The following NRXN1 variants were observed in gnomAD, a reference collection of about 807,000 sequenced individuals.
NRXN1 encodes neurexin-1.
Under a neutral mutation model 150.9 loss-of-function variants are expected in NRXN1, and 39 were observed. The ratio of observed to expected loss-of-function variants is 0.26; its 90% CI spans 0.20 to 0.34. The LOEUF is 0.34. Ranked by LOEUF, NRXN1 falls within the 10% of genes least tolerant of loss-of-function variation. The probability of loss-of-function intolerance (pLI) is 1.00; values close to 1 mark genes in which losing one functional copy is unlikely to be tolerated. For missense variants in NRXN1, 1,815 were observed against 1,949.9 expected, an observed-to-expected ratio of 0.93 and a Z score of 1.30; for synonymous variants, 924 against 757.0, an observed-to-expected ratio of 1.22 and a Z score of -3.62.
In NRXN1 at chr2:50,548,541, AT is replaced by A. The variant is rs869061345; in HGVS notation, c.1759+4045del. ...TGATGCTGCTAATTTATTTTATTTT[AT>A]TTTTTTTTAGAGTATCAGGGGTTGT... On this transcript the variant is annotated intron_variant, in intron 9 of 22. Coordinates refer to ENST00000401669, the MANE Select transcript of NRXN1 (RefSeq NM_001330078.2). Among the ~76,000 whole-genome samples, 28 of 150,374 alleles carry A rather than the reference AT, an allele frequency of 1.9e-4. No homozygotes were observed. The East Asian group carries it at 2.7e-3, about 15-fold the overall frequency.
At chr2:49,966,507 T>C (rs1176037860) in intron 21 of NRXN1, 1 of 140,688 alleles carries the variant, frequency 7.1e-6, no homozygotes, top group Non-Finnish European at 1.5e-5. Context: ...CAATTTTCTT[T>C]AAAGCATTTC....
At chr2:50,855,141 G>C (rs1175107198) in intron 5 of NRXN1, among the ~76,000 whole-genome samples, 4 of 151,800 alleles carry the variant, frequency 2.6e-5, no homozygotes, top group Non-Finnish European at 4.4e-5. Flanking sequence ...GAGTGTGGGA[G>C]GTGGTTCAAG....
At chr2:50,432,257 A>T (rs2085033280) in intron 17 of NRXN1, 1 of 152,148 alleles carries the variant, frequency 6.6e-6, no homozygotes, top group African/African-American at 2.4e-5. Flanking sequence ...TAGGTCAGAA[A>T]ATAACTACCT....
At chr2:50,687,738 G>A (rs534343972) in intron 5 of NRXN1, among the ~76,000 whole-genome samples, 2 of 152,208 alleles carry the variant, frequency 1.3e-5, no homozygotes, top group Non-Finnish European at 2.9e-5. Flanking sequence ...TTAGGGTTGA[G>A]GTTGTTGTGA....
At chr2:50,447,955 A>C (rs548781797) in intron 17 of NRXN1, among the ~76,000 whole-genome samples, 1 of 151,610 alleles carries the variant, frequency 6.6e-6, no homozygotes, top group Non-Finnish European at 1.5e-5. Flanking sequence ...TAAGCAAGTA[A>C]AGTGTATCGT....
At chr2:50,266,000 T>TA (rs1281627888) in intron 17 of NRXN1, among the ~76,000 whole-genome samples, 17 of 51,428 alleles carry the variant, frequency 3.3e-4, no homozygotes, top group Non-Finnish European at 4.3e-4. Flanking sequence ...TTATTATTAT[T>TA]TATTTTTTTT....
intron 2 of NRXN1, among the ~76,000 whole-genome samples, chr2:50,965,583 T>G (rs1693930479): frequency 6.6e-6 from 1 of 151,574 alleles, no homozygotes; most frequent in South Asian, 2.1e-4. Context: ...TTACATTTAC[T>G]TTTACTTGAA....
At chr2:50,918,501 T>TA in intron 5 of NRXN1, 1 of 355,348 alleles carries the variant, frequency 2.8e-6, no homozygotes, top group Non-Finnish European at 5.1e-6. Context: ...AAGCCTCCAA[T>TA]CAAAGTGCCA....
At chr2:50,679,992 C>T (rs958989002) in intron 5 of NRXN1, among the ~76,000 whole-genome samples, 8 of 150,792 alleles carry the variant, frequency 5.3e-5, no homozygotes, top group African/African-American at 2.0e-4. Flanking sequence ...ATTAGCTGGG[C>T]ATAGTGGTGT....
At chr2:51,006,930 ACT>A (rs926916913) in intron 2 of NRXN1, among the ~76,000 whole-genome samples, 2 of 151,614 alleles carry the variant, frequency 1.3e-5, no homozygotes, top group African/African-American at 4.8e-5. Context: ...ACTGTTCATC[ACT>A]CTGTATCGTG....
At chr2:50,005,756 C>G (rs9941548) in intron 21 of NRXN1, among the ~76,000 whole-genome samples, 71,673 of 152,012 alleles carry the variant, frequency 0.47, 17,474 homozygotes, top group Middle Eastern at 0.62. Context: ...TAATTACCTT[C>G]TGCACCAAAT....
intron 17 of NRXN1, among the ~76,000 whole-genome samples, chr2:50,261,353 C>T (rs371188891): frequency 3.3e-5 from 5 of 151,854 alleles, no homozygotes; most frequent in South Asian, 4.1e-4. Context: ...CTCTAAGGTA[C>T]GCTCAGAGAG....
intron 5 of NRXN1, among the ~76,000 whole-genome samples, chr2:50,892,130 A>G (rs77978673): frequency 0.034 from 5,168 of 152,202 alleles, 110 homozygotes; most frequent in Middle Eastern, 0.11. Context: ...CTTCTTTGAG[A>G]AGGTGACATT....
chr2:50,926,057 A>C, intron 2 of NRXN1, 102 bp from the exon 3 acceptor site: 1 of 862,670 alleles, frequency 1.2e-6, no homozygotes, highest in Non-Finnish European at 1.9e-6. Flanking sequence ...CAAGGCACCA[A>C]ACACATCATG....
chr2:49,953,793 A>C (rs1254574823), intron 21 of NRXN1, among the ~76,000 whole-genome samples: 1 of 152,006 alleles, frequency 6.6e-6, no homozygotes, highest in Non-Finnish European at 1.5e-5. Flanking sequence ...GTGTTTGTAT[A>C]AATTATTATT....
chr2:50,694,606 A>G (rs1215138845), intron 5 of NRXN1, among the ~76,000 whole-genome samples: 1 of 152,166 alleles, frequency 6.6e-6, no homozygotes, highest in East Asian at 1.9e-4. Context: ...GTCAGAATCG[A>G]AGAAGCATCA....
intron 19 of NRXN1, among the ~76,000 whole-genome samples, chr2:50,087,220 T>C (rs1386692173): frequency 1.3e-5 from 2 of 152,200 alleles, no homozygotes; most frequent in Non-Finnish European, 2.9e-5. Context: ...ATTTCTAATC[T>C]TGAACTTTTT....
At chr2:50,481,359 C>T (rs956425002) in intron 15 of NRXN1, among the ~76,000 whole-genome samples, 2 of 152,176 alleles carry the variant, frequency 1.3e-5, no homozygotes, top group South Asian at 4.1e-4. Context: ...GACTCATCTG[C>T]ATAATAATGG....
In NRXN1 at chr2:50,463,131, T is replaced by TA; in HGVS notation, c.3364+2310dup. ...GCTTCTATACAGAAAAGGAGTTTGT[T>TA]AAAACCCCAGGAATCACACTAATTC... On this transcript the variant is annotated intron_variant, in intron 17 of 22. Transcript: ENST00000401669. Among the ~76,000 whole-genome samples, 2 of 151,804 alleles carry TA rather than the reference T, an allele frequency of 1.3e-5. 1 individual carries two copies. Among genetic ancestry groups the TA allele is most frequent in the Non-Finnish European group, 2.9e-5 (2 of 67,818 alleles).
Sources: gnomAD v4.1 joint callset for allele counts (sites outside exome capture counted in the v4.1 genomes callset) on GRCh38, gnomAD v4.1.1 for gene constraint, MANE v1.5 for transcripts, NCBI Gene and HGNC (gene_info 2026-07-23, HGNC 2026-07-21) for gene names.